Variants in MAST4 observed in about 807,000 individuals in gnomAD.
MAST4 encodes the protein microtubule-associated serine/threonine-protein kinase 4.
In MAST4, 89 loss-of-function variants were observed where a neutral mutation model predicts 162.7. That is an observed-to-expected ratio of 0.55 (90% CI 0.46 to 0.65). The LOEUF is 0.65. Among genes scored for constraint, MAST4 ranks in the 30% least tolerant of loss-of-function variants. The pLI is 0.00. For synonymous variants in MAST4, 1,479 were observed against 1,361.1 expected (o/e 1.09, Z -1.91); for missense variants, 3,153 against 3,374.0 (o/e 0.93, Z 1.62).
chr5:66,759,652 T>C (rs1753740364), intron 1 of MAST4, 57 bp from the exon 2 acceptor site: 9 of 1,564,422 alleles, frequency 5.8e-6, no homozygotes, highest in Non-Finnish European at 6.1e-6. Flanking sequence ...GATTGGTCTT[T>C]CATTCTAGGC....
In MAST4 at chr5:67,167,052, C is replaced by G. The variant is rs761224656; in HGVS notation, c.*1C>G. 1 of 1,574,362 alleles carries G rather than the reference C, an allele frequency of 6.4e-7. No homozygotes were observed. The highest frequency in any genetic ancestry group is 8.6e-7 in the Non-Finnish European group (1 of 1,159,768). On this transcript the variant is annotated 3_prime_UTR_variant, in exon 29 of 29. Transcript: ENST00000403625. ...CAGCCCTCACAAAAAGGCCTTGTAA[C>G]GGGGAGGGCCCAGGGGCAGGACTGT...
At chr5:66,927,633 CAG>C (rs899232115) in intron 4 of MAST4, among the ~76,000 whole-genome samples, 2 of 152,134 alleles carry the variant, frequency 1.3e-5, no homozygotes, top group Admixed American at 6.5e-5. Context: ...AGAGAGTAGG[CAG>C]AGAGTCACAC....
chr5:67,055,012 T>G (rs1758631697), intron 5 of MAST4, among the ~76,000 whole-genome samples: 1 of 151,962 alleles, frequency 6.6e-6, no homozygotes, highest in African/African-American at 2.4e-5. Flanking sequence ...TATGCTGGTT[T>G]TTTTTTTTTT....
chr5:67,074,096 G>A (rs1288483387), intron 5 of MAST4, among the ~76,000 whole-genome samples: 1 of 151,760 alleles, frequency 6.6e-6, no homozygotes. Context: ...GTCATAAAGA[G>A]CTTTTTTTAA....
chr5:66,865,437 T>G (rs1255855825), intron 3 of MAST4, among the ~76,000 whole-genome samples: 1 of 152,216 alleles, frequency 6.6e-6, no homozygotes, highest in Non-Finnish European at 1.5e-5. Context: ...GCATTTAATA[T>G]TTTTAAATAT....
chr5:67,082,251 C>T (rs905382260), intron 5 of MAST4, among the ~76,000 whole-genome samples: 7 of 150,084 alleles, frequency 4.7e-5, no homozygotes, highest in African/African-American at 1.5e-4. Flanking sequence ...GGGGTGCAAG[C>T]GATTCTTCTG....
At chr5:66,979,499 G>C (rs1165956235) in intron 4 of MAST4, among the ~76,000 whole-genome samples, 1 of 152,170 alleles carries the variant, frequency 6.6e-6, no homozygotes, top group Non-Finnish European at 1.5e-5. Context: ...ACACCTGAAT[G>C]GCCTTAAGGT....
chr5:66,949,673 C>A (rs1420933153), intron 4 of MAST4, among the ~76,000 whole-genome samples: 2 of 152,036 alleles, frequency 1.3e-5, no homozygotes, highest in Non-Finnish European at 2.9e-5. Flanking sequence ...AAAAATTATC[C>A]CTTTAAGATT....
intron 4 of MAST4, among the ~76,000 whole-genome samples, chr5:66,962,256 C>T (rs752695960): frequency 6.6e-6 from 1 of 152,128 alleles, no homozygotes; most frequent in Non-Finnish European, 1.5e-5. Context: ...CATCGTCCAG[C>T]GGAGAGGCAA....
At chr5:66,738,465 A>G (rs1752277656) in intron 1 of MAST4, among the ~76,000 whole-genome samples, 1 of 152,218 alleles carries the variant, frequency 6.6e-6, no homozygotes, top group East Asian at 1.9e-4. Context: ...CATACCTGCT[A>G]TGTGCCAGGC....
intron 3 of MAST4, among the ~76,000 whole-genome samples, chr5:66,844,999 T>G (rs893155849): frequency 1.4e-5 from 2 of 143,388 alleles, no homozygotes; most frequent in African/African-American, 2.6e-5. Context: ...GCCATGGGAG[T>G]GGAGGAGATT....
chr5:67,078,925 T>TAA (rs1561622330), intron 5 of MAST4, among the ~76,000 whole-genome samples: 3 of 86,254 alleles, frequency 3.5e-5, no homozygotes, highest in African/African-American at 1.7e-4. Context: ...TATATATATA[T>TAA]ATATATATAT....
chr5:66,940,520 T>C (rs1389491188), intron 4 of MAST4, among the ~76,000 whole-genome samples: 1 of 152,160 alleles, frequency 6.6e-6, no homozygotes, highest in Non-Finnish European at 1.5e-5. Context: ...TAGGAGTAAA[T>C]TCTACCTCAA....
At chr5:67,154,313 G>A (rs1222153433) in intron 26 of MAST4, among the ~76,000 whole-genome samples, 1 of 152,134 alleles carries the variant, frequency 6.6e-6, no homozygotes, top group Non-Finnish European at 1.5e-5. Context: ...ATGCAGAACA[G>A]CTCCTGCGAC....
At chr5:66,640,276 T>G (rs2149434118) in intron 1 of MAST4, among the ~76,000 whole-genome samples, 1 of 152,296 alleles carries the variant, frequency 6.6e-6, no homozygotes, top group South Asian at 2.1e-4. Flanking sequence ...TTCCACTATT[T>G]GTGTAGATAG....
intron 4 of MAST4, among the ~76,000 whole-genome samples, chr5:66,924,943 G>T (rs1007521710): frequency 6.6e-6 from 1 of 152,078 alleles, no homozygotes; most frequent in African/African-American, 2.4e-5. Context: ...TTATTTTACT[G>T]TGAAAATTCT....
intron 3 of MAST4, among the ~76,000 whole-genome samples, chr5:66,884,986 C>G (rs927742974): frequency 6.6e-6 from 1 of 152,208 alleles, no homozygotes; most frequent in African/African-American, 2.4e-5. Flanking sequence ...TAGCAGTAAG[C>G]CCTGCACAGT....
intron 1 of MAST4, among the ~76,000 whole-genome samples, chr5:66,602,119 C>T (rs1413128488): frequency 6.6e-6 from 1 of 152,184 alleles, no homozygotes; most frequent in Non-Finnish European, 1.5e-5. Flanking sequence ...TGCTACTTTT[C>T]ACTGCCATAC....
intron 1 of MAST4, among the ~76,000 whole-genome samples, chr5:66,721,183 C>A (rs1034530902): frequency 2.0e-5 from 3 of 152,116 alleles, no homozygotes; most frequent in South Asian, 2.1e-4. Context: ...GCTTCTCTTG[C>A]CCCCACTTTC....
Sources: allele counts gnomAD v4.1 joint callset (sites outside exome capture counted in the v4.1 genomes callset), GRCh38; gene constraint gnomAD v4.1.1; transcripts MANE v1.5; gene names NCBI Gene and HGNC (gene_info 2026-07-23, HGNC 2026-07-21).